The following GLIS3 variants were observed in gnomAD, a reference collection of about 807,000 sequenced individuals.
The protein encoded by GLIS3 is zinc finger protein GLIS3.
Under a neutral mutation model 78.6 loss-of-function variants are expected in GLIS3, and 53 were observed. That is an observed-to-expected ratio of 0.67 (90% CI 0.54 to 0.85). The LOEUF is 0.85. Among genes scored for constraint, GLIS3 ranks in the 40% least tolerant of loss-of-function variants. GLIS3 has a pLI of 0.00. For synonymous variants in GLIS3, 684 were observed against 509.9 expected, an observed-to-expected ratio of 1.34 and a Z score of -4.60; for missense variants, 1,703 against 1,231.1, an observed-to-expected ratio of 1.38 and a Z score of -5.74.
chr9:3,882,049 CT>C (rs1453472633), intron 7 of GLIS3, among the ~76,000 whole-genome samples: 1 of 152,172 alleles, frequency 6.6e-6, no homozygotes, highest in African/African-American at 2.4e-5. Flanking sequence ...TAACTGTGTT[CT>C]TTTTATTCTT....
intron 2 of GLIS3, among the ~76,000 whole-genome samples, chr9:4,215,411 T>A (rs1305055765): frequency 6.6e-6 from 1 of 152,020 alleles, no homozygotes; most frequent in East Asian, 1.9e-4. Context: ...GGAGAGGAAG[T>A]TCCCCTCTTT....
At chr9:3,872,994 C>T (rs138834629) in intron 8 of GLIS3, among the ~76,000 whole-genome samples, 235 of 151,972 alleles carry the variant, frequency 1.5e-3, no homozygotes, top group Non-Finnish European at 2.7e-3. Context: ...GTTATTGGAA[C>T]ATATAAATGA....
At chr9:4,057,714 A>G (rs1335568574) in intron 4 of GLIS3, among the ~76,000 whole-genome samples, 1 of 152,056 alleles carries the variant, frequency 6.6e-6, no homozygotes, top group African/African-American at 2.4e-5. Flanking sequence ...GCTAGGAAAA[A>G]AAAATAGTTT....
the GLIS3 span, among the ~76,000 whole-genome samples, chr9:4,446,504 A>ATTTT: frequency 2.4e-5 from 3 of 124,138 alleles, no homozygotes; most frequent in African/African-American, 6.3e-5. Flanking sequence ...AAATATCCAA[A>ATTTT]TTTTTTTTTT....
At chr9:4,000,302 G>A (rs1257010700) in intron 4 of GLIS3, among the ~76,000 whole-genome samples, 1 of 152,038 alleles carries the variant, frequency 6.6e-6, no homozygotes, top group Non-Finnish European at 1.5e-5. Flanking sequence ...GTATTTTTAA[G>A]GATGCCTATA....
At chr9:4,045,339 GAAA>G (rs113304704) in intron 4 of GLIS3, among the ~76,000 whole-genome samples, 2 of 151,920 alleles carry the variant, frequency 1.3e-5, no homozygotes, top group African/African-American at 4.8e-5. Flanking sequence ...CTATAAAAAT[GAAA>G]AAATTTTTTT....
chr9:4,291,765 G>C (rs1379274098), intron 1 of GLIS3, among the ~76,000 whole-genome samples: 1 of 152,096 alleles, frequency 6.6e-6, no homozygotes, highest in Non-Finnish European at 1.5e-5. Context: ...GGACCTTCAG[G>C]AATACACCGC....
intron 4 of GLIS3, among the ~76,000 whole-genome samples, chr9:4,005,535 T>C (rs971429465): frequency 6.6e-6 from 1 of 152,214 alleles, no homozygotes; most frequent in Non-Finnish European, 1.5e-5. Flanking sequence ...TTTGGCCTAC[T>C]GGACCTCTAG....
intron 2 of GLIS3, among the ~76,000 whole-genome samples, chr9:4,256,912 A>G (rs7038211): frequency 0.79 from 120,780 of 151,926 alleles, 48,817 homozygotes; most frequent in East Asian, 0.98. Flanking sequence ...TCACTGAAGC[A>G]TTATTCTCAA....
intron 4 of GLIS3, among the ~76,000 whole-genome samples, chr9:3,956,437 C>T (rs1410166011): frequency 1.3e-5 from 2 of 152,144 alleles, no homozygotes; most frequent in African/African-American, 4.8e-5. Context: ...GGCTTTGATG[C>T]CCTTTGTCTA....
intron 4 of GLIS3, among the ~76,000 whole-genome samples, chr9:4,111,568 CTG>C (rs1383936460): frequency 2.0e-5 from 3 of 152,200 alleles, no homozygotes; most frequent in Non-Finnish European, 4.4e-5. Flanking sequence ...GCCTTATAGA[CTG>C]TGGTCAATGC....
intron 2 of GLIS3, among the ~76,000 whole-genome samples, chr9:4,134,915 A>C (rs559707786): frequency 2.0e-5 from 3 of 152,314 alleles, no homozygotes; most frequent in Admixed American, 1.3e-4. Flanking sequence ...GCTTGTCCTG[A>C]AAGAGCTGCC....
intron 4 of GLIS3, among the ~76,000 whole-genome samples, chr9:4,041,652 G>C (rs1027063097): frequency 4.6e-5 from 7 of 152,144 alleles, no homozygotes; most frequent in African/African-American, 1.4e-4. Context: ...ACAAATGTAA[G>C]ATGGCATGTT....
intron 4 of GLIS3, among the ~76,000 whole-genome samples, chr9:4,061,119 G>A (rs561694867): frequency 6.6e-6 from 1 of 151,916 alleles, no homozygotes; most frequent in Non-Finnish European, 1.5e-5. Flanking sequence ...ACAACGTGCA[G>A]GTTTGTTACA....
chr9:4,050,161 C>A (rs534594829), intron 4 of GLIS3, among the ~76,000 whole-genome samples: 1 of 150,886 alleles, frequency 6.6e-6, no homozygotes, highest in South Asian at 2.1e-4. Flanking sequence ...ATGTTTATTG[C>A]GGCCTATTCA....
chr9:4,066,168 G>C (rs1827082330), intron 4 of GLIS3, among the ~76,000 whole-genome samples: 1 of 151,954 alleles, frequency 6.6e-6, no homozygotes, highest in South Asian at 2.1e-4. Context: ...TAATAAAAGA[G>C]CAAACAGCAC....
chr9:4,343,571 C>G (rs1817862935), intron 2 of GLIS3, among the ~76,000 whole-genome samples: 1 of 152,106 alleles, frequency 6.6e-6, no homozygotes, highest in Admixed American at 6.5e-5. Context: ...TGGTATATGC[C>G]TAAAGGAATA....
At chr9:4,338,332 T>G (rs923739644) in intron 2 of GLIS3, among the ~76,000 whole-genome samples, 1 of 151,548 alleles carries the variant, frequency 6.6e-6, no homozygotes, top group Admixed American at 6.6e-5. Flanking sequence ...TACGTATATA[T>G]AGAGAGATAG....
At chr9:3,984,984 C>T (rs886775645) in intron 4 of GLIS3, among the ~76,000 whole-genome samples, 6 of 152,012 alleles carry the variant, frequency 3.9e-5, no homozygotes, top group African/African-American at 1.5e-4. Context: ...GTGAGGCCTC[C>T]CCAGCCATGT....
Sources: allele counts gnomAD v4.1 joint callset (sites outside exome capture counted in the v4.1 genomes callset), GRCh38; gene constraint gnomAD v4.1.1; transcripts MANE v1.5; gene names NCBI Gene and HGNC (gene_info 2026-07-23, HGNC 2026-07-21).